The following ZNF254 variants were observed in gnomAD, a reference collection of about 807,000 sequenced individuals.
ZNF254 encodes CTD-2017D11.1.
In ZNF254, 10 loss-of-function variants were observed where a neutral mutation model predicts 12.4. That is an observed-to-expected ratio of 0.80 (90% CI 0.50 to 1.36). The LOEUF (loss-of-function observed/expected upper bound fraction) is 1.36. Ranked by LOEUF, ZNF254 falls within the 40% of genes most tolerant of loss-of-function variation. The probability of loss-of-function intolerance (pLI) is 0.00; values close to 1 mark genes in which losing one functional copy is unlikely to be tolerated. For missense variants in ZNF254, 996 were observed against 763.9 expected (o/e 1.30, Z -3.58); for synonymous variants, 305 against 253.4 (o/e 1.20, Z -1.93).
At chr19:24,062,979 T>G (rs1971133153) in intron 2 of ZNF254, among the ~76,000 whole-genome samples, 1 of 152,086 alleles carries the variant, frequency 6.6e-6, no homozygotes, top group African/African-American at 2.4e-5. Context: ...TTTTGTATTT[T>G]TAGTAGAACT....
intron 1 of ZNF254, among the ~76,000 whole-genome samples, chr19:24,092,422 C>A (rs12979078): frequency 4.6e-5 from 7 of 152,066 alleles, no homozygotes; most frequent in East Asian, 3.9e-4. Context: ...CACCCTCCCC[C>A]CCGGCCTCCC....
intron 3 of ZNF254, among the ~76,000 whole-genome samples, chr19:24,115,278 A>G (rs1433168260): frequency 6.6e-6 from 1 of 152,134 alleles, no homozygotes; most frequent in African/African-American, 2.4e-5. Context: ...ACCAACCCAA[A>G]TGTCCAACAA....
intron 1 of ZNF254, chr19:24,104,367 A>T (rs944724745): frequency 6.6e-6 from 1 of 152,286 alleles, no homozygotes; most frequent in East Asian, 1.9e-4. Flanking sequence ...TATTGTCAAG[A>T]TGCAGGTGTA....
rs1975080821 is a variant in ZNF254, at chr19:24,129,087, A to G, written c.*1107A>G. On this transcript the variant is annotated 3_prime_UTR_variant, in exon 4 of 4. Coordinates refer to ENST00000357002, the MANE Select transcript of ZNF254 (RefSeq NM_203282.4). ...AAAGATAAGGACATTAAAATGTAAG[A>G]TGCGTGAGGAAAATTTAGGTAGAGA... 6.6e-6 allele frequency: 1 copy of G among 152,014 alleles called. No homozygotes were observed. Among genetic ancestry groups the G allele is most frequent in the Non-Finnish European group, 1.5e-5 (1 of 67,900 alleles). 9.4% of individuals were successfully genotyped at this position (152,014 alleles called of 1,614,324 possible). A position where few individuals can be genotyped will look rare whatever the true frequency, so the allele number is the denominator to read the frequency against.
intron 2 of ZNF254, among the ~76,000 whole-genome samples, chr19:24,054,256 G>A (rs566652192): frequency 3.3e-5 from 5 of 152,148 alleles, no homozygotes; most frequent in African/African-American, 9.6e-5. Context: ...TCCTTCCCTC[G>A]GGGAAGATTG....
intron 1 of ZNF254, among the ~76,000 whole-genome samples, chr19:24,088,964 CT>C (rs74175785): frequency 0.083 from 8,031 of 96,348 alleles, 47 homozygotes; most frequent in African/African-American, 0.15. Context: ...GCCAATTAAT[CT>C]TTTTTTTTTT....
chr19:24,107,691 T>C (rs1024462197), intron 3 of ZNF254, among the ~76,000 whole-genome samples: 1 of 152,224 alleles, frequency 6.6e-6, no homozygotes, highest in African/African-American at 2.4e-5. Flanking sequence ...TATTTTGTCT[T>C]CCACATGCTT....
intron 1 of ZNF254, chr19:24,105,417 A>G (rs967741381): frequency 3.8e-6 from 1 of 263,422 alleles, no homozygotes; most frequent in Non-Finnish European, 7.2e-6. Flanking sequence ...TTGACAAAAT[A>G]GTCTTTTGGG....
chr19:24,052,241 GGATTCAACACCTAGGT>G (rs1156832606), intron 2 of ZNF254, among the ~76,000 whole-genome samples: 1 of 152,196 alleles, frequency 6.6e-6, no homozygotes, highest in Non-Finnish European at 1.5e-5. Flanking sequence ...TGACATGCCT[GGATTCAACACCTAGGT>G]GATACAACTT....
At chr19:24,081,272 G>A (rs1439289394) in intron 2 of ZNF254, among the ~76,000 whole-genome samples, 2 of 151,878 alleles carry the variant, frequency 1.3e-5, no homozygotes, top group Non-Finnish European at 2.9e-5. Flanking sequence ...TATCATGCCC[G>A]GATGCCTCAG....
intron 1 of ZNF254, among the ~76,000 whole-genome samples, chr19:24,035,252 C>G (rs1405241637): frequency 1.3e-5 from 2 of 152,186 alleles, no homozygotes; most frequent in Admixed American, 6.5e-5. Flanking sequence ...CAGCCTCCGC[C>G]TCCCAGGTTG....
chr19:24,073,169 AC>A (rs1386529173), intron 2 of ZNF254, among the ~76,000 whole-genome samples: 2 of 152,188 alleles, frequency 1.3e-5, no homozygotes, highest in Non-Finnish European at 2.9e-5. Context: ...CATATGCACA[AC>A]CTACCAAATG....
At chr19:24,057,559 G>C (rs1216264384) in intron 2 of ZNF254, among the ~76,000 whole-genome samples, 1 of 152,190 alleles carries the variant, frequency 6.6e-6, no homozygotes, top group Non-Finnish European at 1.5e-5. Context: ...TCATTGTACA[G>C]TTGAGGTTTT....
chr19:24,043,005 T>C (rs1174860558), intron 1 of ZNF254, among the ~76,000 whole-genome samples: 1 of 152,214 alleles, frequency 6.6e-6, no homozygotes, highest in Non-Finnish European at 1.5e-5. Flanking sequence ...TCTTTTTCTT[T>C]TTAGGTTTTT....
At chr19:24,126,104 AT>A in intron 3 of ZNF254, 149 bp from the exon 4 acceptor site, 1 of 486,198 alleles carries the variant, frequency 2.1e-6, no homozygotes, top group East Asian at 3.5e-5. Flanking sequence ...TTTTTGTTAC[AT>A]TTATGTCTAT....
At chr19:24,117,553 C>A (rs1047551038) in intron 3 of ZNF254, among the ~76,000 whole-genome samples, 1 of 152,150 alleles carries the variant, frequency 6.6e-6, no homozygotes, top group African/African-American at 2.4e-5. Context: ...CGGAAAAGCG[C>A]AGTATTAGGG....
intron 3 of ZNF254, among the ~76,000 whole-genome samples, chr19:24,113,741 A>G (rs542365699): frequency 1.2e-4 from 18 of 152,336 alleles, no homozygotes; most frequent in African/African-American, 4.1e-4. Context: ...GAGGAAGTCA[A>G]ATTGTCCCTG....
At chr19:24,043,985 A>C (rs966726743) in intron 1 of ZNF254, among the ~76,000 whole-genome samples, 3 of 152,148 alleles carry the variant, frequency 2.0e-5, no homozygotes, top group African/African-American at 7.2e-5. Flanking sequence ...TCACGCCTGT[A>C]ATCTCAGCCC....
intron 3 of ZNF254, among the ~76,000 whole-genome samples, chr19:24,111,173 A>G (rs972661715): frequency 9.7e-5 from 13 of 133,468 alleles, no homozygotes; most frequent in East Asian, 2.2e-4. Flanking sequence ...TCATTGTTCA[A>G]TTCCCACCTA....
Sources: allele counts gnomAD v4.1 joint callset (sites outside exome capture counted in the v4.1 genomes callset), GRCh38; gene constraint gnomAD v4.1.1; transcripts MANE v1.5; gene names NCBI Gene and HGNC (gene_info 2026-07-23, HGNC 2026-07-21).